Variants in VTCN1 observed in about 807,000 individuals in gnomAD.
The protein encoded by VTCN1 is V-set domain-containing T-cell activation inhibitor 1.
A neutral mutation model predicts 26.5 loss-of-function variants in VTCN1; 26 were observed. The ratio of observed to expected loss-of-function variants is 0.98; its 90% CI spans 0.72 to 1.36. The LOEUF is 1.36. Among genes scored for constraint, VTCN1 ranks in the 40% most tolerant of loss-of-function variants. The pLI, the probability that VTCN1 is intolerant of heterozygous loss-of-function variation, is 0.00. For missense variants in VTCN1, 298 were observed against 337.7 expected (o/e 0.88, Z 0.92); for synonymous variants, 116 against 130.7 (o/e 0.89, Z 0.77).
At chr1:117,164,854 C>G (rs1464813369) in intron 2 of VTCN1, among the ~76,000 whole-genome samples, 1 of 152,204 alleles carries the variant, frequency 6.6e-6, no homozygotes, top group East Asian at 1.9e-4. Context: ...TGTCCTTTAA[C>G]CAGGGGCTGA....
At chr1:117,193,286 C>T (rs1268871372) in intron 1 of VTCN1, among the ~76,000 whole-genome samples, 1 of 152,062 alleles carries the variant, frequency 6.6e-6, no homozygotes. Context: ...AAATGGATTA[C>T]ATTTTTCAGT....
chr1:117,201,877 G>T (rs1648807391), intron 1 of VTCN1, among the ~76,000 whole-genome samples: 1 of 152,246 alleles, frequency 6.6e-6, no homozygotes, highest in Non-Finnish European at 1.5e-5. Flanking sequence ...ATGGAAGAAA[G>T]AAGGAAGAGG....
intron 1 of VTCN1, among the ~76,000 whole-genome samples, chr1:117,177,618 A>G (rs1192526612): frequency 6.6e-6 from 1 of 152,222 alleles, no homozygotes; most frequent in Admixed American, 6.5e-5. Context: ...GGAATTGCAT[A>G]TAAGAGACTT....
intron 1 of VTCN1, among the ~76,000 whole-genome samples, chr1:117,193,750 C>A (rs1479444461): frequency 6.6e-6 from 1 of 151,926 alleles, no homozygotes; most frequent in Non-Finnish European, 1.5e-5. Flanking sequence ...ACAAAATGGA[C>A]CTAATAGACA....
chr1:117,199,491 A>G (rs1410681179), intron 1 of VTCN1, among the ~76,000 whole-genome samples: 1 of 151,912 alleles, frequency 6.6e-6, no homozygotes, highest in Non-Finnish European at 1.5e-5. Context: ...ACGTCCAGCA[A>G]ATTTTTATAT....
At chr1:117,179,156 G>C (rs61808499) in intron 1 of VTCN1, among the ~76,000 whole-genome samples, 1 of 152,148 alleles carries the variant, frequency 6.6e-6, no homozygotes, top group Admixed American at 6.6e-5. Flanking sequence ...AACTATTTGT[G>C]CTAGATAATT....
chr1:117,210,842 C>T lies in VTCN1; in HGVS notation c.14G>A (p.Gly5Glu). The change falls in exon 1 of 6, where the codon GGG (glycine) becomes GAG (glutamate). Residue 5 changes from glycine to glutamate, a missense_variant. Physicochemically the swap from Gly to Glu is moderately conservative, Grantham distance 98 (BLOSUM62 -2). Transcript: ENST00000369458. Reference protein sequence around the residue: MASLGQILFWSIISI... With the variant: MASLEQILFWSIISI... ...ATACTACCTCCAGAAGAGGATCTGCCCCAGGGAAGCCATGGCTGGGGAAGG... is the reference window on the plus strand; with the variant it reads ...ATACTACCTCCAGAAGAGGATCTGCTCCAGGGAAGCCATGGCTGGGGAAGG... 6.2e-7 allele frequency: 1 copy of T among 1,614,098 alleles called. No individual in the cohort carries two copies. Among genetic ancestry groups the T allele is most frequent in the East Asian group, 2.2e-5 (1 of 44,878 alleles).
At chr1:117,160,720 T>G (rs1489604642) in intron 2 of VTCN1, among the ~76,000 whole-genome samples, 1 of 152,114 alleles carries the variant, frequency 6.6e-6, no homozygotes, top group African/African-American at 2.4e-5. Flanking sequence ...AGCAGACGTG[T>G]TTGTTGTTGT....
At chr1:117,176,641 A>T (rs570508026) in intron 1 of VTCN1, among the ~76,000 whole-genome samples, 1 of 152,246 alleles carries the variant, frequency 6.6e-6, no homozygotes, top group Non-Finnish European at 1.5e-5. Flanking sequence ...TAAAACCCTG[A>T]AAACTAGATT....
chr1:117,209,059 G>A (rs1011017416), intron 1 of VTCN1, among the ~76,000 whole-genome samples: 3 of 152,160 alleles, frequency 2.0e-5, no homozygotes, highest in African/African-American at 7.2e-5. Context: ...GCTGCTCATT[G>A]GCCCTCTTCC....
chr1:117,147,533 T>C lies in VTCN1; in HGVS notation c.*45+80A>G. 8.4e-7 allele frequency: 1 copy of C among 1,191,702 alleles called. No homozygotes were observed. Among genetic ancestry groups the C allele is most frequent in the Non-Finnish European group, 1.2e-6 (1 of 863,506 alleles). The allele number at this position is 1,191,702 out of a possible 1,614,324, so 73.8% of individuals were successfully genotyped here. Reference sequence around the variant, plus strand: ...ATTAAATGTTTCTTTCTGTGGCTGATGCTGAAGGCTATCCGACTCTCATTA... The same window carrying C: ...ATTAAATGTTTCTTTCTGTGGCTGACGCTGAAGGCTATCCGACTCTCATTA... On this transcript the variant is annotated intron_variant, in intron 5 of 5. Transcript: ENST00000369458. This position sits in a 1 kb window ranked among gnomAD's most constrained non-coding sequence, Gnocchi z 4.6.
chr1:117,168,761 T>A (rs1652744807), intron 2 of VTCN1, among the ~76,000 whole-genome samples: 1 of 152,144 alleles, frequency 6.6e-6, no homozygotes, highest in African/African-American at 2.4e-5. Context: ...TGTTATTTAC[T>A]TTTTTTATTT....
rs1157097488 is a variant in VTCN1, at chr1:117,146,792, A to C, written c.*45+821T>G. ...TCTGGAGCAAAGGAAGGCTATGATG[A>C]AATCGTGTTTCAGAATACTTCGATT... is the stretch of plus-strand genomic sequence containing the variant. On this transcript the variant is annotated intron_variant, in intron 5 of 5. Transcript: ENST00000369458. This position sits in a 1 kb window ranked among gnomAD's most constrained non-coding sequence, Gnocchi z 4.2. Among the ~76,000 whole-genome samples, 2 of 152,176 alleles carry C rather than the reference A, an allele frequency of 1.3e-5. No homozygotes were observed. Among genetic ancestry groups the C allele is most frequent in the Non-Finnish European group, 2.9e-5 (2 of 68,048 alleles).
intron 2 of VTCN1, 136 bp from the exon 3 acceptor site, chr1:117,157,057 G>T: frequency 6.7e-7 from 1 of 1,482,116 alleles, no homozygotes; most frequent in Non-Finnish European, 9.2e-7. Flanking sequence ...GCAATAAGAA[G>T]ACAAGAAGAG....
chr1:117,170,911 C>T (rs2101521645), intron 1 of VTCN1, among the ~76,000 whole-genome samples: 1 of 152,246 alleles, frequency 6.6e-6, no homozygotes, highest in Middle Eastern at 3.4e-3. Context: ...CATAGGTACA[C>T]ATGTGTCATG....
rs190857704 is a variant in VTCN1, at chr1:117,159,688, T to A, written c.98-2767A>T. Among the ~76,000 whole-genome samples, 96 of 152,368 alleles carry A rather than the reference T, an allele frequency of 6.3e-4. No homozygotes were observed. The highest frequency in any genetic ancestry group is 9.1e-4 in the Admixed American group (14 of 15,304). On this transcript the variant is annotated intron_variant, in intron 2 of 5. Coordinates refer to ENST00000369458, the MANE Select transcript of VTCN1 (RefSeq NM_024626.4). The surrounding 1 kb of genome is among the most constrained non-coding windows in gnomAD (Gnocchi z 4.7). ...AGTAGCACAGAAGTGAAATCTCATG[T>A]TAACTAAATGTGGCCTAGTCATTCT...
chr1:117,163,922 T>C (rs1652488645), intron 2 of VTCN1, among the ~76,000 whole-genome samples: 1 of 152,194 alleles, frequency 6.6e-6, no homozygotes. Context: ...TGTGCAATGT[T>C]TCCATTTTGG....
At chr1:117,190,006 G>A (rs1648168163) in intron 1 of VTCN1, among the ~76,000 whole-genome samples, 1 of 152,188 alleles carries the variant, frequency 6.6e-6, no homozygotes, top group Non-Finnish European at 1.5e-5. Context: ...AACCCCATTT[G>A]GTCTTGGTCC....
intron 1 of VTCN1, among the ~76,000 whole-genome samples, chr1:117,178,253 T>TC (rs1353969720): frequency 2.0e-5 from 3 of 148,396 alleles, no homozygotes; most frequent in Non-Finnish European, 1.5e-5. Flanking sequence ...TTTCTTTCTT[T>TC]TTTTTCTTTT....
Sources: allele counts gnomAD v4.1 joint callset (sites outside exome capture counted in the v4.1 genomes callset), GRCh38; gene constraint gnomAD v4.1.1; non-coding constraint Gnocchi (gnomAD v3.1); transcripts MANE v1.5; gene names NCBI Gene and HGNC (gene_info 2026-07-23, HGNC 2026-07-21).